ELAPOR1: variants seen among roughly 807,000 people sequenced by gnomAD.
The protein encoded by ELAPOR1 is endosome/lysosome-associated apoptosis and autophagy regulator 1.
ELAPOR1 carries 77 observed loss-of-function variants against 119.7 expected under a neutral mutation model. The ratio of observed to expected loss-of-function variants is 0.64; its 90% confidence interval spans 0.54 to 0.78. The LOEUF (loss-of-function observed/expected upper bound fraction) is 0.78, where lower values mean the gene tolerates loss of function less well. ELAPOR1 is among the 30% of genes least tolerant of loss of function. The pLI is 0.00. For missense variants in ELAPOR1, 1,115 were observed against 1,270.4 expected (o/e 0.88, Z 1.86); for synonymous variants, 481 against 487.2 (o/e 0.99, Z 0.17).
chr1:109,185,287 G>A (rs371526921), intron 8 of ELAPOR1, among the ~76,000 whole-genome samples, 154 bp downstream of exon 8: 1 of 152,184 alleles, frequency 6.6e-6, no homozygotes, highest in East Asian at 1.9e-4. Context: ...GGTGGGGTGG[G>A]GGGCAAAACG....
At chr1:109,126,492 A>G (rs1648787175) in intron 1 of ELAPOR1, among the ~76,000 whole-genome samples, 1 of 151,324 alleles carries the variant, frequency 6.6e-6, no homozygotes, top group African/African-American at 2.4e-5. Flanking sequence ...TTTTTTTGAG[A>G]TGGAGTCTCG....
At chr1:109,142,770 A>G (rs1033497010) in intron 1 of ELAPOR1, among the ~76,000 whole-genome samples, 6 of 152,200 alleles carry the variant, frequency 3.9e-5, no homozygotes, top group Admixed American at 1.3e-4. Context: ...ACATAGAGTT[A>G]CCATATGACC....
intron 1 of ELAPOR1, among the ~76,000 whole-genome samples, chr1:109,141,832 A>ATT (rs963714030): frequency 6.9e-6 from 1 of 145,212 alleles, no homozygotes; most frequent in Non-Finnish European, 1.5e-5. Context: ...CACCTGGCTA[A>ATT]TTTTTTTTTT....
intron 1 of ELAPOR1, among the ~76,000 whole-genome samples, chr1:109,143,518 AT>A (rs1649962029): frequency 6.6e-6 from 1 of 152,228 alleles, no homozygotes; most frequent in African/African-American, 2.4e-5. Context: ...GAATATGAAA[AT>A]ATTCTGGGAT....
At chr1:109,141,024 G>A (rs1054095098) in intron 1 of ELAPOR1, among the ~76,000 whole-genome samples, 10 of 151,778 alleles carry the variant, frequency 6.6e-5, no homozygotes, top group Admixed American at 1.3e-4. Context: ...GCTAATTTTT[G>A]TGTTTTTAGT....
intron 2 of ELAPOR1, among the ~76,000 whole-genome samples, chr1:109,163,178 TTGAGGAAGAGCTTG>T (rs1220695722): frequency 6.6e-6 from 1 of 151,978 alleles, no homozygotes; most frequent in African/African-American, 2.4e-5. Context: ...AGTGACACAT[TTGAGGAAGAGCTTG>T]TGGTCCAGGG....
rs1223202249 is a variant in ELAPOR1, at chr1:109,197,519, A to G, written c.2167A>G (p.Ile723Val). The change falls in exon 16 of 22, where the codon ATT becomes GTT. Residue 723 changes from isoleucine to valine, a missense_variant. By Grantham distance (29) the Ile-to-Val change is conservative. Coordinates refer to ENST00000369939, the MANE Select transcript of ELAPOR1 (RefSeq NM_020775.5). ...CACCGACAATGTCACTGACCTCCGGATTCCTGAGGGTGAGTCAGGGTTCTC... is the reference window on the plus strand; with the variant it reads ...CACCGACAATGTCACTGACCTCCGGGTTCCTGAGGGTGAGTCAGGGTTCTC... The part of the protein sequence containing the change: ...VCTDNVTDLR[I>V]PEGESGFSKS... 1.2e-6 allele frequency: 2 copies of G among 1,614,162 alleles called. No homozygotes were observed. Among genetic ancestry groups the G allele is most frequent in the Admixed American group, 1.7e-5 (1 of 60,022 alleles).
chr1:109,197,353 C>G (rs1330555837), intron 15 of ELAPOR1, 121 bp from the exon 16 acceptor site: 1 of 807,210 alleles, frequency 1.2e-6, no homozygotes, highest in Admixed American at 2.2e-5. Context: ...AATCATTCCC[C>G]TACAACATAC....
intron 3 of ELAPOR1, among the ~76,000 whole-genome samples, chr1:109,165,132 A>G (rs1651504852): frequency 6.6e-6 from 1 of 152,092 alleles, no homozygotes; most frequent in Non-Finnish European, 1.5e-5. Flanking sequence ...TCTCTACAAA[A>G]AGTTAAAAAA....
At chr1:109,187,097 A>T (rs1310985188) in intron 8 of ELAPOR1, 1 of 985,354 alleles carries the variant, frequency 1.0e-6, no homozygotes, top group African/African-American at 1.7e-5. Flanking sequence ...ACAGTATTTT[A>T]AAATCAAGGG....
chr1:109,156,981 G>T (rs1005644427), intron 1 of ELAPOR1, among the ~76,000 whole-genome samples: 1 of 152,176 alleles, frequency 6.6e-6, no homozygotes, highest in African/African-American at 2.4e-5. Context: ...CACTGGGCAG[G>T]CACAAACAAT....
chr1:109,197,632 C>A lies in ELAPOR1; in HGVS notation c.2280C>A (p.Val760=). 6.2e-7 allele frequency: 1 copy of A among 1,614,056 alleles called. No individual in the cohort carries two copies. The highest frequency in any genetic ancestry group is 8.5e-7 in the Non-Finnish European group (1 of 1,180,000). Reference sequence around the variant, plus strand: ...AGGCCGGGGTTTCCTCACAGCCTGTCAGCCTTGCTGATCGACTTATTGGTG... The same window carrying A: ...AGGCCGGGGTTTCCTCACAGCCTGTAAGCCTTGCTGATCGACTTATTGGTG... ...GYKAGVSSQP[V]SLADRLIGVT... is the part of the protein sequence containing the mutation. The change falls in exon 16 of 22, where the codon GTC becomes GTA. Residue 760 remains valine (V), a synonymous_variant. Coordinates refer to ENST00000369939, the MANE Select transcript of ELAPOR1 (RefSeq NM_020775.5).
intron 1 of ELAPOR1, among the ~76,000 whole-genome samples, chr1:109,152,969 AG>A (rs1272613618): frequency 6.7e-6 from 1 of 148,152 alleles, no homozygotes; most frequent in Non-Finnish European, 1.5e-5. Context: ...AAAAAAAAAA[AG>A]AAAGAAAAAA....
In ELAPOR1 at chr1:109,174,413, TAAAAAAAAAAAAAAAAAAAA is replaced by T. The variant is rs59275691; in HGVS notation, c.952+592_952+611del. ...GGGTGACAGAGTAAGACCCTGTCTC[TAAAAAAAAAAAAAAAAAAAA>T]AAAAAAAAAAAAAAATCATTCAATA... is the stretch of plus-strand genomic sequence containing the variant. On this transcript the variant is annotated intron_variant, in intron 7 of 21. Transcript: ENST00000369939. Among the ~76,000 whole-genome samples, 123 of 42,046 alleles carry T rather than the reference TAAAAAAAAAAAAAAAAAAAA, an allele frequency of 2.9e-3. 1 individual carries two copies. In the South Asian group the frequency reaches 0.034, roughly 12 times the overall value. The allele number at this position is 42,046 out of a possible 152,430, so 27.6% of individuals were successfully genotyped here.
At chr1:109,128,514 C>T (rs560445075) in intron 1 of ELAPOR1, among the ~76,000 whole-genome samples, 2 of 152,120 alleles carry the variant, frequency 1.3e-5, no homozygotes, top group Admixed American at 1.3e-4. Context: ...AACTTCATAA[C>T]ATTGCTGGTG....
intron 1 of ELAPOR1, among the ~76,000 whole-genome samples, chr1:109,120,521 C>A (rs1221379875): frequency 6.6e-6 from 1 of 152,190 alleles, no homozygotes; most frequent in Non-Finnish European, 1.5e-5. Flanking sequence ...GACGCCTAAT[C>A]TGCTGGTGCC....
chr1:109,161,837 C>T, intron 1 of ELAPOR1, 57 bp from the exon 2 acceptor site: 1 of 1,565,512 alleles, frequency 6.4e-7, no homozygotes, highest in Non-Finnish European at 8.8e-7. Context: ...GGGTGGGAAG[C>T]TGTTAATGTT....
At chr1:109,200,634 T>A in intron 20 of ELAPOR1, 101 bp from the exon 21 acceptor site, 1 of 1,109,542 alleles carries the variant, frequency 9.0e-7, no homozygotes, top group Non-Finnish European at 1.3e-6. Context: ...TCCTTACCCA[T>A]GGCATGGGAA....
rs187519951 is a variant in ELAPOR1, at chr1:109,159,120, C to T, written c.154-2774C>T. Among the ~76,000 whole-genome samples, 1,344 of 152,216 alleles carry T rather than the reference C, an allele frequency of 8.8e-3. 20 individuals carry two copies. Among genetic ancestry groups the T allele is most frequent in the African/African-American group, 0.03 (1,265 of 41,528 alleles). On this transcript the variant is annotated intron_variant, in intron 1 of 21. Coordinates refer to ENST00000369939, the MANE Select transcript of ELAPOR1 (RefSeq NM_020775.5). The stretch of plus-strand genomic sequence containing the variant: ...TGTTGGTCAGGCTGGTCTCAAACTC[C>T]TGACCTCAGGTGATCCACCCACCTT...
Sources: gnomAD v4.1 joint callset for allele counts (sites outside exome capture counted in the v4.1 genomes callset) on GRCh38, gnomAD v4.1.1 for gene constraint, MANE v1.5 for transcripts, NCBI Gene and HGNC (gene_info 2026-07-23, HGNC 2026-07-21) for gene names.